Variants in TUSC3 observed in about 807,000 individuals in gnomAD.
TUSC3 encodes dolichyl-diphosphooligosaccharide--protein glycosyltransferase subunit TUSC3.
In TUSC3, 45 loss-of-function variants were observed where a neutral mutation model predicts 44.8. That is an observed-to-expected ratio of 1.00 (90% CI 0.79 to 1.29). The LOEUF is 1.29. TUSC3 is among the 50% of genes most tolerant of loss of function. TUSC3 has a pLI of 0.00. For synonymous variants in TUSC3, 212 were observed against 152.9 expected, an observed-to-expected ratio of 1.39 and a Z score of -2.85; for missense variants, 519 against 437.9, an observed-to-expected ratio of 1.19 and a Z score of -1.65.
intron 6 of TUSC3, among the ~76,000 whole-genome samples, chr8:15,714,792 A>C (rs538190228): frequency 6.6e-6 from 1 of 152,188 alleles, no homozygotes; most frequent in Non-Finnish European, 1.5e-5. Flanking sequence ...AACCCAGAGA[A>C]TGTCTGAAGT....
chr8:15,674,860 A>G (rs1412457249), intron 6 of TUSC3, among the ~76,000 whole-genome samples: 2 of 152,102 alleles, frequency 1.3e-5, no homozygotes, highest in Non-Finnish European at 2.9e-5. Context: ...TTATACAAAG[A>G]AAAATAATTG....
chr8:15,678,552 T>A lies in TUSC3; in HGVS notation c.798+4716T>A, dbSNP rs545385773. 2.6e-5 allele frequency among the ~76,000 whole-genome samples: 4 copies of A among 152,346 alleles called. No individual in the cohort carries two copies. In the East Asian group the frequency reaches 7.7e-4, roughly 29 times the overall value. The stretch of plus-strand genomic sequence containing the variant: ...TTTTAAGCCAATATCATATGTCTTG[T>A]AAACAATCCTTCAGAATAAAGTAGA... On this transcript the variant is annotated intron_variant, in intron 6 of 10. Coordinates refer to ENST00000503731, the MANE Select transcript of TUSC3 (RefSeq NM_006765.4).
At chr8:15,541,843 GT>G (rs924033754) in intron 1 of TUSC3, among the ~76,000 whole-genome samples, 2 of 150,510 alleles carry the variant, frequency 1.3e-5, no homozygotes, top group African/African-American at 2.4e-5. Flanking sequence ...AAAGTAGACA[GT>G]TTTTTTTGTG....
intron 3 of TUSC3, among the ~76,000 whole-genome samples, chr8:15,651,981 G>C (rs1806929752): frequency 6.6e-6 from 1 of 152,182 alleles, no homozygotes; most frequent in Non-Finnish European, 1.5e-5. Flanking sequence ...GAGGAAATAA[G>C]GAATGCAGAA....
chr8:15,773,899 C>T, the TUSC3 span, among the ~76,000 whole-genome samples: 1 of 152,066 alleles, frequency 6.6e-6, no homozygotes, highest in Non-Finnish European at 1.5e-5. Flanking sequence ...ATAAAAGTAA[C>T]TCAAAATGGA....
At chr8:15,711,270 C>G (rs1809838234) in intron 6 of TUSC3, among the ~76,000 whole-genome samples, 2 of 151,738 alleles carry the variant, frequency 1.3e-5, no homozygotes, top group Non-Finnish European at 2.9e-5. Context: ...TCTCTCCCTT[C>G]TTTTGTAGGA....
At chr8:15,796,845 A>G in the TUSC3 span, among the ~76,000 whole-genome samples, 1 of 152,188 alleles carries the variant, frequency 6.6e-6, no homozygotes, top group East Asian at 1.9e-4. Context: ...CCAACTTGTC[A>G]TTGATTCCAA....
At chr8:15,794,668 C>T in the TUSC3 span, among the ~76,000 whole-genome samples, 1 of 151,852 alleles carries the variant, frequency 6.6e-6, no homozygotes, top group Non-Finnish European at 1.5e-5. Flanking sequence ...AAAGAGGGCC[C>T]AATGACACCT....
At chr8:15,487,620 T>C (rs10100318) in intron 2 of TUSC3, among the ~76,000 whole-genome samples, 15,622 of 152,224 alleles carry the variant, frequency 0.1, 1,091 homozygotes, top group African/African-American at 0.2. Flanking sequence ...GTTTTTAGAT[T>C]CTCAATCTTT....
intron 6 of TUSC3, among the ~76,000 whole-genome samples, chr8:15,714,951 T>C (rs1359019783): frequency 6.6e-6 from 1 of 152,150 alleles, no homozygotes; most frequent in African/African-American, 2.4e-5. Context: ...TATTTTGGAA[T>C]CTATGATACA....
chr8:15,488,186 C>T (rs1800758573), intron 2 of TUSC3, among the ~76,000 whole-genome samples: 1 of 152,048 alleles, frequency 6.6e-6, no homozygotes, highest in African/African-American at 2.4e-5. Flanking sequence ...TCACTATCCA[C>T]TTTGAATACA....
At chr8:15,566,154 A>C (rs576007527) in intron 1 of TUSC3, among the ~76,000 whole-genome samples, 1 of 152,288 alleles carries the variant, frequency 6.6e-6, no homozygotes, top group East Asian at 1.9e-4. Flanking sequence ...CGTTATCAGA[A>C]GATGCTACAG....
At position 15,591,878 on chromosome 8, in the gene TUSC3, A is replaced by G. The variant is rs151231953; in HGVS notation, c.139-31202A>G. Among the ~76,000 whole-genome samples the G allele has an allele frequency of 2.7e-3, 416 of 152,300 alleles. 2 individuals are homozygous for G. Among genetic ancestry groups the G allele is most frequent in the African/African-American group, 9.6e-3 (399 of 41,572 alleles). On this transcript the variant is annotated intron_variant, in intron 1 of 10. Transcript: ENST00000503731. The stretch of plus-strand genomic sequence containing the variant: ...TTTAAGTGCCAAGAGTAGATGGTCA[A>G]AAGTTTAAATCAAGGAGGTGACATG...
chr8:15,747,099 A>G (rs1381015639), intron 8 of TUSC3, among the ~76,000 whole-genome samples: 1 of 152,058 alleles, frequency 6.6e-6, no homozygotes, highest in African/African-American at 2.4e-5. Flanking sequence ...ATATTCCTGT[A>G]GAGTTGCATA....
At chr8:15,469,400 A>G (rs576401236) in intron 1 of TUSC3, among the ~76,000 whole-genome samples, 45 of 152,330 alleles carry the variant, frequency 3.0e-4, no homozygotes, top group Middle Eastern at 3.4e-3. Context: ...AACGTATGAA[A>G]ATAGGTTCTA....
At chr8:15,807,412 G>A in the TUSC3 span, 3 of 227,384 alleles carry the variant, frequency 1.3e-5, no homozygotes, top group African/African-American at 4.7e-5. Context: ...ACTGTTGGTG[G>A]GAATGTAAAT....
chr8:15,575,097 A>G (rs1301382939), intron 1 of TUSC3, among the ~76,000 whole-genome samples: 1 of 152,146 alleles, frequency 6.6e-6, no homozygotes, highest in Admixed American at 6.6e-5. Context: ...AAATATTATT[A>G]GATTGTCATG....
intron 1 of TUSC3, among the ~76,000 whole-genome samples, chr8:15,546,189 G>A (rs960340913): frequency 6.6e-6 from 1 of 151,810 alleles, no homozygotes; most frequent in Non-Finnish European, 1.5e-5. Flanking sequence ...TTTTGGGCAA[G>A]ATTTCTGCAG....
At chr8:15,512,127 A>T (rs975485395) in intron 2 of TUSC3, among the ~76,000 whole-genome samples, 1 of 152,246 alleles carries the variant, frequency 6.6e-6, no homozygotes, top group East Asian at 1.9e-4. Context: ...CTATAAAGCT[A>T]TAATAATTGA....
Sources: allele counts gnomAD v4.1 joint callset (sites outside exome capture counted in the v4.1 genomes callset), GRCh38; gene constraint gnomAD v4.1.1; transcripts MANE v1.5; gene names NCBI Gene and HGNC (gene_info 2026-07-23, HGNC 2026-07-21).